SPINK14: variants seen among roughly 807,000 people sequenced by gnomAD.
The protein encoded by SPINK14 is serine peptidase inhibitor Kazal type 14 (putative), also known as serine protease inhibitor Kazal-type 14.
A neutral mutation model predicts 14.2 loss-of-function variants in SPINK14; 6 were observed. The observed-to-expected ratio is 0.42, with a 90% CI of 0.23 to 0.83. The LOEUF is 0.83. Among genes scored for constraint, SPINK14 ranks in the 40% least tolerant of loss-of-function variants. SPINK14 has a pLI of 0.28. For missense variants in SPINK14, 86 were observed against 108.3 expected (o/e 0.79, Z 0.91); for synonymous variants, 34 against 36.8 (o/e 0.92, Z 0.27).
At chr5:148,172,598 C>G (rs1030333497) in intron 3 of SPINK14, among the ~76,000 whole-genome samples, 1 of 152,106 alleles carries the variant, frequency 6.6e-6, no homozygotes, top group Admixed American at 6.6e-5. Context: ...CCCTTCTGGG[C>G]TTATACTCCT....
chr5:148,172,876 A>T (rs1176376115), intron 3 of SPINK14, among the ~76,000 whole-genome samples: 5 of 152,118 alleles, frequency 3.3e-5, no homozygotes, highest in African/African-American at 1.2e-4. Flanking sequence ...ACTTACTAAA[A>T]GGGCAGAAAG....
chr5:148,171,858 A>G (rs1755109624), intron 3 of SPINK14, among the ~76,000 whole-genome samples: 1 of 152,100 alleles, frequency 6.6e-6, no homozygotes, highest in African/African-American at 2.4e-5. Flanking sequence ...CATAAAGCTG[A>G]GTTCTGGAAT....
At position 148,174,286 on chromosome 5, in the gene SPINK14, AC is replaced by A. The variant is rs765639514; in HGVS notation, c.168del (p.Cys57AlafsTer14). ...VNLSWYNGTV[N>X]PCPGLYQPIC... ...TTGAGCTGGTACAATGGAACGGTCA[AC>A]CCCTGCCCTGGCTTATATCAACCCA... is the stretch of plus-strand genomic sequence containing the variant. On this transcript the variant is annotated frameshift_variant, in exon 4 of 5. Transcript: ENST00000356972. LOFTEE classifies it high-confidence loss of function. The A allele has an allele frequency of 1.3e-5, 15 of 1,113,062 alleles. 4 individuals are homozygous for A. In the Admixed American group the frequency reaches 3.1e-4, roughly 23 times the overall value. The allele number at this position is 1,113,062 out of a possible 1,614,324, so 68.9% of individuals were successfully genotyped here. A position where few individuals can be genotyped will look rare whatever the true frequency, so the allele number is the denominator to read the frequency against.
At chr5:148,171,461 T>C (rs759520597) in intron 3 of SPINK14, among the ~76,000 whole-genome samples, 1 of 152,164 alleles carries the variant, frequency 6.6e-6, no homozygotes, top group Non-Finnish European at 1.5e-5. Flanking sequence ...CCTCAAACTA[T>C]GTTTGCAACT....
At position 148,174,184 on chromosome 5, in the gene SPINK14, CCTGT is replaced by C. The variant is rs754181297; in HGVS notation, c.112-47_112-44del. 6.8e-6 allele frequency: 7 copies of C among 1,028,024 alleles called. 1 individual carries two copies. In the Admixed American group the frequency reaches 1.4e-4, roughly 21 times the overall value. 63.7% of individuals were successfully genotyped at this position (1,028,024 alleles called of 1,614,324 possible). A position where few individuals can be genotyped will look rare whatever the true frequency, so the allele number is the denominator to read the frequency against. Reference sequence around the variant, plus strand: ...CCTAATAAAGTTCAAAGGTGACCTACCTGTCTAAGTGGGATTCTAACTGGATAAA... The same window carrying C: ...CCTAATAAAGTTCAAAGGTGACCTACCTAAGTGGGATTCTAACTGGATAAA... On this transcript the variant is annotated intron_variant, in intron 3 of 4. Transcript: ENST00000356972.
In SPINK14 at chr5:148,174,135, C is replaced by T. The variant is rs1209795358; in HGVS notation, c.112-99C>T. ...TTGGAATGACAGGCATGAGCCACCACGCCTAGACTATGCTTAGATTTTTCC... is the reference window on the plus strand; with the variant it reads ...TTGGAATGACAGGCATGAGCCACCATGCCTAGACTATGCTTAGATTTTTCC... On this transcript the variant is annotated intron_variant, in intron 3 of 4. Coordinates refer to ENST00000356972, the MANE Select transcript of SPINK14 (RefSeq NM_001001325.2). 7.8e-5 allele frequency: 54 copies of T among 694,250 alleles called. 20 individuals are homozygous for T. The African/African-American group carries it at 9.1e-4, about 12-fold the overall frequency. 43.0% of individuals were successfully genotyped at this position (694,250 alleles called of 1,614,324 possible). A position where few individuals can be genotyped will look rare whatever the true frequency, so the allele number is the denominator to read the frequency against.
At chr5:148,168,649 C>T (rs1755061476) in intron 1 of SPINK14, among the ~76,000 whole-genome samples, 82 bp downstream of exon 1, 1 of 124,078 alleles carries the variant, frequency 8.1e-6, no homozygotes, top group East Asian at 2.0e-4. Context: ...TGAACTTGTA[C>T]TGTTCCTGTT....
Position 148,175,457 on chromosome 5 carries a change from T to G in SPINK14, c.*59T>G, listed in dbSNP as rs1178180056. The G allele has an allele frequency of 7.0e-6, 9 of 1,293,358 alleles. No homozygotes were observed. Among genetic ancestry groups the G allele is most frequent in the Non-Finnish European group, 8.9e-6 (8 of 898,700 alleles). 80.1% of individuals were successfully genotyped at this position (1,293,358 alleles called of 1,614,324 possible). A position where few individuals can be genotyped will look rare whatever the true frequency, so the allele number is the denominator to read the frequency against. On this transcript the variant is annotated 3_prime_UTR_variant, in exon 5 of 5. Transcript: ENST00000356972. ...TTTTTTTTCCTCCATGTCTCCAATC[T>G]CCCTCTTGCGCTTTTTACATCTCCT...
At chr5:148,170,207 T>C in intron 2 of SPINK14, among the ~76,000 whole-genome samples, 1 of 149,640 alleles carries the variant, frequency 6.7e-6, no homozygotes, top group African/African-American at 2.5e-5. Context: ...TACATATATA[T>C]ATATATAGAG....
intron 2 of SPINK14, 59 bp from the exon 3 acceptor site, chr5:148,170,871 A>G: frequency 6.8e-7 from 1 of 1,464,988 alleles, no homozygotes; most frequent in Non-Finnish European, 9.5e-7. Flanking sequence ...TTCTGCCAAC[A>G]GATTAAGCTA....
intron 2 of SPINK14, 46 bp downstream of exon 2, chr5:148,169,845 G>T: frequency 6.6e-7 from 1 of 1,505,462 alleles, no homozygotes; most frequent in South Asian, 1.2e-5. Flanking sequence ...ATTGATTTGT[G>T]GGCTTTTACA....
Position 148,175,452 on chromosome 5 carries a change from C to A in SPINK14, c.*54C>A. ...TTCTTTTTTTTTTCCTCCATGTCTC[C>A]AATCTCCCTCTTGCGCTTTTTACAT... On this transcript the variant is annotated 3_prime_UTR_variant, in exon 5 of 5. Coordinates refer to ENST00000356972, the MANE Select transcript of SPINK14 (RefSeq NM_001001325.2). 7.6e-7 allele frequency: 1 copy of A among 1,319,768 alleles called. No individual in the cohort carries two copies. Among genetic ancestry groups the A allele is most frequent in the Non-Finnish European group, 1.1e-6 (1 of 921,636 alleles). The allele number at this position is 1,319,768 out of a possible 1,614,324, so 81.8% of individuals were successfully genotyped here. A position where few individuals can be genotyped will look rare whatever the true frequency, so the allele number is the denominator to read the frequency against.
rs375216023 is a variant in SPINK14 at position 148,170,959 on chromosome 5, C to A, written c.97C>A (p.Arg33Ser). Residue 33 changes from arginine (R) to serine (S), a missense_variant, in exon 3 of 5, where the codon CGT becomes AGT. Physicochemically the swap from Arg to Ser is moderately radical, Grantham distance 110 (BLOSUM62 -1). Coordinates refer to ENST00000356972, the MANE Select transcript of SPINK14 (RefSeq NM_001001325.2). ...VSGPRHWWPP[R>S]GIIKVKCPYE... ...AGGCCCTAGACACTGGTGGCCACCA[C>A]GTGGAATTATTAAGGTAATGTTCCA... 4 of 1,612,294 alleles carry A rather than the reference C, an allele frequency of 2.5e-6. No individual in the cohort carries two copies. Among genetic ancestry groups the A allele is most frequent in the Non-Finnish European group, 3.4e-6 (4 of 1,178,782 alleles).
chr5:148,173,175 C>T (rs1755129503), intron 3 of SPINK14, among the ~76,000 whole-genome samples: 1 of 149,670 alleles, frequency 6.7e-6, no homozygotes, highest in African/African-American at 2.4e-5. Context: ...TGACCCCCTT[C>T]TTTCCAAATT....
In SPINK14 at chr5:148,174,371, G is replaced by A. The variant is rs755797465; in HGVS notation, c.248+1G>A. On this transcript the variant is annotated splice_donor_variant, in intron 4 of 4. Transcript: ENST00000356972. LOFTEE classifies it high-confidence loss of function. ...CCTGCATTCTGTGTGTTGAGAGCTTGTGAGTACTATTTGGGGAAAAGAGGG... is the reference window on the plus strand; with the variant it reads ...CCTGCATTCTGTGTGTTGAGAGCTTATGAGTACTATTTGGGGAAAAGAGGG... 7 of 1,111,012 alleles carry A rather than the reference G, an allele frequency of 6.3e-6. 3 individuals are homozygous for A. In the South Asian group the frequency reaches 7.8e-5, roughly 12 times the overall value. The allele number at this position is 1,111,012 out of a possible 1,614,324, so 68.8% of individuals were successfully genotyped here.
chr5:148,170,796 T>C, intron 2 of SPINK14, 134 bp from the exon 3 acceptor site: 2 of 750,256 alleles, frequency 2.7e-6, no homozygotes, highest in Non-Finnish European at 2.3e-6. Flanking sequence ...AATGAATACA[T>C]GTATAAATGA....
intron 3 of SPINK14, among the ~76,000 whole-genome samples, chr5:148,172,784 G>T (rs1427106364): frequency 9.4e-6 from 1 of 106,330 alleles, no homozygotes; most frequent in Non-Finnish European, 1.9e-5. Flanking sequence ...AAATATATTT[G>T]GTGGGGTGGT....
At chr5:148,172,021 G>C (rs2113281888) in intron 3 of SPINK14, among the ~76,000 whole-genome samples, 1 of 152,240 alleles carries the variant, frequency 6.6e-6, no homozygotes, top group South Asian at 2.1e-4. Flanking sequence ...GAGGAAAGCA[G>C]TTATATTCCT....
intron 3 of SPINK14, among the ~76,000 whole-genome samples, chr5:148,173,386 G>C (rs1366058267): frequency 6.6e-6 from 1 of 152,046 alleles, no homozygotes; most frequent in Non-Finnish European, 1.5e-5. Context: ...TCCCTGAGGA[G>C]ACATGTCCCT....
Sources: allele counts gnomAD v4.1 joint callset (sites outside exome capture counted in the v4.1 genomes callset), GRCh38; gene constraint gnomAD v4.1.1; transcripts MANE v1.5; gene names NCBI Gene and HGNC (gene_info 2026-07-23, HGNC 2026-07-21).